Variants in PAQR3 observed in about 807,000 individuals in gnomAD.
The protein encoded by PAQR3 is Raf kinase trapping to Golgi.
Under a neutral mutation model 41.7 loss-of-function variants are expected in PAQR3, and 39 were observed. The observed-to-expected ratio is 0.93, with a 90% CI of 0.72 to 1.22. The LOEUF (loss-of-function observed/expected upper bound fraction) is 1.22. Among genes scored for constraint, PAQR3 ranks in the 50% most tolerant of loss-of-function variants. PAQR3 has a pLI of 0.00. For missense variants in PAQR3, 366 were observed against 385.6 expected, an observed-to-expected ratio of 0.95 and a Z score of 0.42; for synonymous variants, 140 against 140.6, an observed-to-expected ratio of 1.00 and a Z score of 0.03.
chr4:78,926,804 C>G, intron 3 of PAQR3, 86 bp from the exon 4 acceptor site: 1 of 1,175,944 alleles, frequency 8.5e-7, no homozygotes, highest in Non-Finnish European at 1.3e-6. Context: ...ACTACAAATT[C>G]CAAAGTCTAT....
intron 4 of PAQR3, among the ~76,000 whole-genome samples, chr4:78,925,634 C>T (rs1204391560): frequency 6.6e-6 from 1 of 152,114 alleles, no homozygotes; most frequent in Non-Finnish European, 1.5e-5. Context: ...ATGGTCCCTC[C>T]TCTTCTAATA....
Position 78,939,158 on chromosome 4 carries a change from G to C in PAQR3, c.67C>G (p.Leu23Val), listed in dbSNP as rs1489306848. The change falls in exon 1 of 6, where the codon CTG (leucine) becomes GTG (valine). Residue 23 changes from leucine (L) to valine (V), a missense_variant. Transcript: ENST00000512733. Reference protein sequence around the residue: ...ELGSYQYWPVLVPRGIRLYTY... With the variant: ...ELGSYQYWPVVVPRGIRLYTY... The stretch of plus-strand genomic sequence containing the variant: ...TACAGGCGGATGCCACGGGGCACCA[G>C]GACCGGCCAGTACTGGTAGCTGCCC... 1 of 1,613,730 alleles carries C rather than the reference G, an allele frequency of 6.2e-7. No individual in the cohort carries two copies.
downstream of PAQR3, chr4:78,911,063 C>G (rs766629158): frequency 6.2e-7 from 1 of 1,613,968 alleles, no homozygotes; most frequent in South Asian, 1.1e-5. Context: ...CTCCTCACCT[C>G]AGCCCAATTA....
In PAQR3 at chr4:78,918,123, A is replaced by G. The variant is rs551776318; in HGVS notation, c.*2416T>C. ...CATATAAATTGCTAGACAATTTAAA[A>G]CAGCCATAGATAATTTTAAAATGTA... On this transcript the variant is annotated 3_prime_UTR_variant, in exon 6 of 6. Coordinates refer to ENST00000512733, the MANE Select transcript of PAQR3 (RefSeq NM_001040202.2). The G allele has an allele frequency of 1.0e-6, 1 of 967,976 alleles. No homozygotes were observed. Among genetic ancestry groups the G allele is most frequent in the Admixed American group, 6.2e-5 (1 of 16,172 alleles). The allele number at this position is 967,976 out of a possible 1,614,324, so 60.0% of individuals were successfully genotyped here. A position where few individuals can be genotyped will look rare whatever the true frequency, so the allele number is the denominator to read the frequency against.
intron 2 of PAQR3, among the ~76,000 whole-genome samples, chr4:78,934,613 G>C (rs6534083): frequency 0.77 from 116,748 of 152,126 alleles, 44,987 homozygotes; most frequent in Non-Finnish European, 0.81. Context: ...AGGAGGTAGA[G>C]AGGAAAAGAA....
intron 11 of PAQR3, among the ~76,000 whole-genome samples, chr4:78,897,098 A>ATATT (rs1733743029): frequency 6.6e-6 from 1 of 151,980 alleles, no homozygotes; most frequent in Non-Finnish European, 1.5e-5. Context: ...ATATATATAT[A>ATATT]ATGCTTAAAA....
At chr4:78,892,179 A>G (rs1733475572) in intron 11 of PAQR3, among the ~76,000 whole-genome samples, 3 of 152,138 alleles carry the variant, frequency 2.0e-5, no homozygotes. Context: ...TTTCCTAAAT[A>G]TTTAGAATTC....
downstream of PAQR3, among the ~76,000 whole-genome samples, chr4:78,907,425 C>G (rs911769024): frequency 6.6e-5 from 10 of 152,152 alleles, no homozygotes; most frequent in African/African-American, 2.4e-4. Context: ...TTTAAATTCA[C>G]TTCCAAGTGA....
chr4:78,899,626 A>G (rs1362975150), intron 11 of PAQR3, among the ~76,000 whole-genome samples: 1 of 152,030 alleles, frequency 6.6e-6, no homozygotes, highest in Admixed American at 6.6e-5. Flanking sequence ...CCATAGAAAC[A>G]GGAGAAGTAC....
chr4:78,889,651 C>T (rs1187446585), intron 11 of PAQR3, among the ~76,000 whole-genome samples: 1 of 152,136 alleles, frequency 6.6e-6, no homozygotes, highest in Admixed American at 6.5e-5. Flanking sequence ...AATGAAAATA[C>T]ACTCTACTAG....
chr4:78,926,373 T>G, intron 4 of PAQR3, 148 bp downstream of exon 4: 1 of 664,080 alleles, frequency 1.5e-6, no homozygotes. Context: ...TATATGGCTG[T>G]GAAAATTACG....
At position 78,917,820 on chromosome 4, in the gene PAQR3, T is replaced by G. The variant is rs1735231525; in HGVS notation, c.*2719A>C. The G allele has an allele frequency of 1.0e-6, 1 of 985,436 alleles. No individual in the cohort carries two copies. The highest frequency in any genetic ancestry group is 1.2e-6 in the Non-Finnish European group (1 of 829,660). 61.0% of individuals were successfully genotyped at this position (985,436 alleles called of 1,614,324 possible). ...TCAATCACAATCTTCAAATCGGATA[T>G]TCTGTCCAGGTGGGATGCCATAAGA... On this transcript the variant is annotated 3_prime_UTR_variant, in exon 6 of 6. Coordinates refer to ENST00000512733, the MANE Select transcript of PAQR3 (RefSeq NM_001040202.2).
rs1156889834 is a variant in PAQR3 at position 78,915,692 on chromosome 4, T to C, written c.*4847A>G. 2.0e-5 allele frequency: 3 copies of C among 151,972 alleles called. No individual in the cohort carries two copies. In the East Asian group the frequency reaches 5.8e-4, roughly 29 times the overall value. 9.4% of individuals were successfully genotyped at this position (151,972 alleles called of 1,614,324 possible). A position where few individuals can be genotyped will look rare whatever the true frequency, so the allele number is the denominator to read the frequency against. On this transcript the variant is annotated 3_prime_UTR_variant, in exon 6 of 6. Coordinates refer to ENST00000512733, the MANE Select transcript of PAQR3 (RefSeq NM_001040202.2). ...GGAGTTAATGTGAATTTTTAAAAAA[T>C]GGAATTGCAACCACAATCATATCTA...
intron 2 of PAQR3, among the ~76,000 whole-genome samples, chr4:78,934,341 C>T (rs1045845721): frequency 1.3e-5 from 2 of 152,164 alleles, no homozygotes; most frequent in Non-Finnish European, 2.9e-5. Flanking sequence ...TGAGATTCAC[C>T]TCTCAAACTC....
chr4:78,911,275 C>T (rs866400970), downstream of PAQR3: 2 of 1,613,950 alleles, frequency 1.2e-6, no homozygotes, highest in Non-Finnish European at 8.5e-7. Flanking sequence ...GGTGAATGTA[C>T]AAGAATGCCA....
intron 11 of PAQR3, among the ~76,000 whole-genome samples, chr4:78,895,355 T>C (rs1485645417): frequency 6.6e-6 from 1 of 152,230 alleles, no homozygotes; most frequent in African/African-American, 2.4e-5. Flanking sequence ...GCAAACACAG[T>C]TTAGCTGCAT....
chr4:78,931,543 CCTG>C (rs1414555539), intron 2 of PAQR3, among the ~76,000 whole-genome samples: 1 of 152,150 alleles, frequency 6.6e-6, no homozygotes, highest in East Asian at 1.9e-4. Context: ...CTATTAAGTA[CCTG>C]CTGTATGTCA....
At chr4:78,906,660 C>T (rs1026134578) in intron 10 of PAQR3, among the ~76,000 whole-genome samples, 4 of 152,010 alleles carry the variant, frequency 2.6e-5, no homozygotes. Context: ...TTGAATTAGC[C>T]ATAGACTTGC....
At chr4:78,890,721 A>G (rs990418303) in intron 11 of PAQR3, among the ~76,000 whole-genome samples, 2 of 152,156 alleles carry the variant, frequency 1.3e-5, no homozygotes, top group African/African-American at 4.8e-5. Context: ...TACATCTCTC[A>G]TGGAGCTCTG....
Sources: allele counts gnomAD v4.1 joint callset (sites outside exome capture counted in the v4.1 genomes callset), GRCh38; gene constraint gnomAD v4.1.1; transcripts MANE v1.5; gene names NCBI Gene and HGNC (gene_info 2026-07-23, HGNC 2026-07-21).